DMD: variants seen among roughly 807,000 people sequenced by gnomAD.
The protein encoded by DMD is mutant dystrophin.
A neutral mutation model predicts 330.1 loss-of-function variants in DMD; 63 were observed. The ratio of observed to expected loss-of-function variants is 0.19; its 90% CI spans 0.16 to 0.24. DMD has a LOEUF of 0.24. Among genes scored for constraint, DMD ranks in the 10% least tolerant of loss-of-function variants. The pLI, the probability that DMD is intolerant of heterozygous loss-of-function variation, is 1.00. For missense variants in DMD, 3,344 were observed against 2,684.1 expected (o/e 1.25, Z -5.43); for synonymous variants, 1,223 against 959.8 (o/e 1.27, Z -5.07).
chrX:32,085,677 CGCGTATAT>C, intron 44 of DMD, among the ~76,000 whole-genome samples: 1 of 51,756 alleles, frequency 1.9e-5, no homozygotes, highest in African/African-American at 7.6e-5. Flanking sequence ...TATATACACA[CGCGTATAT>C]ATATACGTAT....
At chrX:32,919,789 CTT>C (rs1301506046) in intron 2 of DMD, among the ~76,000 whole-genome samples, 1 of 111,377 alleles carries the variant, frequency 9.0e-6, no homozygotes, top group Admixed American at 9.6e-5. Context: ...GTTATATAGA[CTT>C]TGATATTCAA....
intron 52 of DMD, among the ~76,000 whole-genome samples, chrX:31,687,266 T>A (rs754220034): frequency 4.5e-5 from 5 of 111,016 alleles, no homozygotes; most frequent in Non-Finnish European, 9.4e-5. Flanking sequence ...GAAAGACCCC[T>A]TCTGTTTGAG....
At chrX:32,853,721 A>C (rs1216869282) in intron 2 of DMD, among the ~76,000 whole-genome samples, 1 of 107,834 alleles carries the variant, frequency 9.3e-6, no homozygotes, top group Non-Finnish European at 1.9e-5. Context: ...TCTTAATAAT[A>C]AAACTGAACA....
intron 1 of DMD, among the ~76,000 whole-genome samples, chrX:33,226,190 A>G (rs1291908271): frequency 9.0e-6 from 1 of 111,542 alleles, no homozygotes. Context: ...ACATACAACT[A>G]ACCTACAGCC....
intron 48 of DMD, among the ~76,000 whole-genome samples, chrX:31,868,805 C>G (rs779661019): frequency 3.5e-5 from 3 of 84,767 alleles, no homozygotes; most frequent in Non-Finnish European, 7.0e-5. Context: ...GACTTGCCTT[C>G]CTAAACTTTG....
intron 18 of DMD, among the ~76,000 whole-genome samples, chrX:32,509,165 C>T (rs1031986254): frequency 1.1e-5 from 1 of 92,683 alleles, no homozygotes; most frequent in Non-Finnish European, 2.1e-5. Context: ...TGGAAATGTC[C>T]AAATAACCAC....
chrX:32,717,275 C>G (rs1325752088), intron 7 of DMD, among the ~76,000 whole-genome samples: 1 of 111,370 alleles, frequency 9.0e-6, no homozygotes, highest in Non-Finnish European at 1.9e-5. Flanking sequence ...GAGGCCAGGC[C>G]TAGGGCCTCA....
intron 52 of DMD, among the ~76,000 whole-genome samples, chrX:31,690,008 T>TA (rs1273846182): frequency 1.8e-5 from 2 of 111,765 alleles, no homozygotes; most frequent in Non-Finnish European, 3.8e-5. Context: ...CCTAAAACCA[T>TA]AAAAACCCTA....
chrX:31,826,825 C>A (rs756915232), intron 49 of DMD, among the ~76,000 whole-genome samples: 2 of 112,252 alleles, frequency 1.8e-5, no homozygotes, highest in South Asian at 7.3e-4. Flanking sequence ...AATATGCTAA[C>A]TAAATTGCAG....
At chrX:31,393,477 AAAAAAAAAAAAAAAC>A (rs1174479351) in intron 60 of DMD, among the ~76,000 whole-genome samples, 1 of 93,815 alleles carries the variant, frequency 1.1e-5, no homozygotes, top group Non-Finnish European at 2.1e-5. Context: ...ACTCCATCTC[AAAAAAAAAAAAAAAC>A]AAAAAAAAAA....
intron 49 of DMD, among the ~76,000 whole-genome samples, chrX:31,831,611 A>G (rs2093031379): frequency 9.0e-6 from 1 of 110,816 alleles, no homozygotes; most frequent in Non-Finnish European, 1.9e-5. Context: ...TTATTTATTT[A>G]TTTATGAGAT....
chrX:31,377,086 C>T (rs2059921865), intron 60 of DMD, among the ~76,000 whole-genome samples: 1 of 112,038 alleles, frequency 8.9e-6, no homozygotes, highest in East Asian at 2.8e-4. Context: ...TACTTAAAGT[C>T]TGGCACTAAG....
At position 31,877,931 on chromosome X, in the gene DMD, T is replaced by C. The variant is rs376225586; in HGVS notation, c.6913-2558A>G. Among the ~76,000 whole-genome samples the C allele has an allele frequency of 4.1e-4, 46 of 111,980 alleles. 1 individual carries two copies. The South Asian group carries it at 0.017, about 42-fold the overall frequency. ...CTAGACTCTGAAGCTACTGAGATAA[T>C]AGCCATCATATTTTCCTAAAATCTC... On this transcript the variant is annotated intron_variant, in intron 47 of 78. Transcript: ENST00000357033.
intron 62 of DMD, among the ~76,000 whole-genome samples, chrX:31,321,583 C>CA (rs1190446358): frequency 0.039 from 403 of 10,378 alleles, 23 homozygotes; most frequent in African/African-American, 0.049. Context: ...AACTCCATCT[C>CA]AAAAAAAAAA....
chrX:31,309,187 C>T (rs954339373), intron 62 of DMD, among the ~76,000 whole-genome samples: 3 of 111,760 alleles, frequency 2.7e-5, no homozygotes, highest in African/African-American at 9.8e-5. Context: ...ATGCATAAGG[C>T]ACAAGCGTTG....
At chrX:32,994,301 A>C (rs2093057846) in intron 2 of DMD, among the ~76,000 whole-genome samples, 1 of 107,075 alleles carries the variant, frequency 9.3e-6, no homozygotes, top group African/African-American at 3.5e-5. Context: ...TCCCACTAAC[A>C]ACAAATATAA....
chrX:32,137,968 C>G (rs1449760197), intron 44 of DMD, among the ~76,000 whole-genome samples: 1 of 109,022 alleles, frequency 9.2e-6, no homozygotes, highest in Non-Finnish European at 1.9e-5. Flanking sequence ...ACCACACATT[C>G]CAATTTGGCA....
In DMD at chrX:31,444,404, T is replaced by A. The variant is rs1461522384; in HGVS notation, c.9084+77A>T. On this transcript the variant is annotated intron_variant, in intron 60 of 78. Transcript: ENST00000357033. ...CATGAACATTACATGAAAAAAGTAC[T>A]TTCATTGTTCTTTACAAATTTTATC... The A allele has an allele frequency of 6.2e-6, 7 of 1,120,382 alleles. No homozygotes were observed. The East Asian group carries it at 1.8e-4, about 29-fold the overall frequency. 92.3% of individuals were successfully genotyped at this position (1,120,382 alleles called of 1,213,427 possible).
chrX:32,125,155 A>T (rs1455993774), intron 44 of DMD, among the ~76,000 whole-genome samples: 2 of 110,940 alleles, frequency 1.8e-5, no homozygotes, highest in Non-Finnish European at 3.8e-5. Flanking sequence ...TTTATTAAAT[A>T]TCACACTATC....
Sources: allele counts gnomAD v4.1 joint callset (sites outside exome capture counted in the v4.1 genomes callset), GRCh38; gene constraint gnomAD v4.1.1; transcripts MANE v1.5; gene names NCBI Gene and HGNC (gene_info 2026-07-23, HGNC 2026-07-21).